The following SORBS2 variants were observed in gnomAD, a reference collection of about 807,000 sequenced individuals.
The protein encoded by SORBS2 is sorbin and SH3 domain-containing protein 2.
Under a neutral mutation model 97.7 loss-of-function variants are expected in SORBS2, and 46 were observed. That is an observed-to-expected ratio of 0.47 (90% CI 0.37 to 0.60). SORBS2 has a LOEUF of 0.60. Ranked by LOEUF, SORBS2 falls within the 20% of genes least tolerant of loss-of-function variation. SORBS2 has a pLI of 0.00. For synonymous variants in SORBS2, 476 were observed against 473.4 expected (o/e 1.01, Z -0.07); for missense variants, 1,316 against 1,282.3 (o/e 1.03, Z -0.40).
intron 9 of SORBS2, among the ~76,000 whole-genome samples, chr4:185,617,462 A>G (rs1182841302): frequency 6.6e-6 from 1 of 152,188 alleles, no homozygotes; most frequent in East Asian, 1.9e-4. Flanking sequence ...CTTCTGCCAG[A>G]GACAGTTTCT....
chr4:185,810,387 T>C (rs1473733233), intron 1 of SORBS2, among the ~76,000 whole-genome samples: 1 of 152,238 alleles, frequency 6.6e-6, no homozygotes, highest in Non-Finnish European at 1.5e-5. Flanking sequence ...CTGAAGAGAC[T>C]CATGTCATCC....
chr4:185,594,388 A>G (rs2096033774), intron 12 of SORBS2, among the ~76,000 whole-genome samples: 2 of 152,222 alleles, frequency 1.3e-5, no homozygotes, highest in Admixed American at 1.3e-4. Flanking sequence ...TCTTTCCTTC[A>G]CAGACAACAT....
intron 2 of SORBS2, among the ~76,000 whole-genome samples, chr4:185,711,278 A>T (rs935013203): frequency 2.6e-5 from 4 of 152,114 alleles, no homozygotes; most frequent in Non-Finnish European, 5.9e-5. Context: ...GGCATGAGCC[A>T]CTATGCCTGG....
chr4:185,779,530 A>G (rs1490295281), intron 1 of SORBS2, among the ~76,000 whole-genome samples: 1 of 152,192 alleles, frequency 6.6e-6, no homozygotes, highest in African/African-American at 2.4e-5. Context: ...GAACACATAT[A>G]TTTAGAGGGT....
intron 4 of SORBS2, among the ~76,000 whole-genome samples, chr4:185,672,648 C>G (rs984924606): frequency 6.6e-6 from 1 of 152,194 alleles, no homozygotes; most frequent in African/African-American, 2.4e-5. Flanking sequence ...TAGTTTTCTT[C>G]TTAAATTAAT....
At chr4:185,861,294 TG>T (rs1404477643) in intron 1 of SORBS2, among the ~76,000 whole-genome samples, 4 of 134,354 alleles carry the variant, frequency 3.0e-5, no homozygotes, top group African/African-American at 1.1e-4. Flanking sequence ...AAGGTTTCTT[TG>T]GAATGTCCTT....
At chr4:185,818,510 A>T (rs1395192715) in intron 1 of SORBS2, among the ~76,000 whole-genome samples, 3 of 152,040 alleles carry the variant, frequency 2.0e-5, no homozygotes, top group African/African-American at 7.2e-5. Flanking sequence ...TAAAAGTCAG[A>T]CTCTGGCATC....
At chr4:185,864,698 G>A (rs575920239) in intron 1 of SORBS2, among the ~76,000 whole-genome samples, 105 of 152,252 alleles carry the variant, frequency 6.9e-4, no homozygotes, top group Non-Finnish European at 1.3e-3. Flanking sequence ...ATTGCTTGAG[G>A]TCAGGAGTTC....
At chr4:185,733,294 G>A (rs188874419) in intron 2 of SORBS2, among the ~76,000 whole-genome samples, 60 of 152,356 alleles carry the variant, frequency 3.9e-4, no homozygotes, top group African/African-American at 1.4e-3. Flanking sequence ...TCTCCATGCT[G>A]AGTTAGATGA....
chr4:185,785,341 A>G (rs1175179786), intron 1 of SORBS2, among the ~76,000 whole-genome samples: 2 of 152,114 alleles, frequency 1.3e-5, no homozygotes, highest in South Asian at 4.1e-4. Context: ...TCAGAGTTAA[A>G]CAAAGTTAAA....
chr4:185,916,885 A>G (rs891097373), intron 1 of SORBS2, among the ~76,000 whole-genome samples: 2 of 152,152 alleles, frequency 1.3e-5, no homozygotes, highest in Admixed American at 6.5e-5. Flanking sequence ...TTCGTATGCT[A>G]ATGAGCTGAC....
rs187009146 is a variant in SORBS2 at position 185,754,863 on chromosome 4, T to A, written c.-198+20364A>T. 7.9e-5 allele frequency among the ~76,000 whole-genome samples: 12 copies of A among 152,326 alleles called. No homozygotes were observed. In the East Asian group the frequency reaches 2.3e-3, roughly 29 times the overall value. Reference sequence around the variant, plus strand: ...AGGTATGGGTTTCATGAGGCAGACCTGGAAGGGCAATACATCACTTCTACG... The same window carrying A: ...AGGTATGGGTTTCATGAGGCAGACCAGGAAGGGCAATACATCACTTCTACG... On this transcript the variant is annotated intron_variant, in intron 2 of 20. Coordinates refer to the SORBS2 transcript ENST00000284776.
chr4:185,597,793 A>C (rs563951118), intron 12 of SORBS2, among the ~76,000 whole-genome samples: 2 of 152,220 alleles, frequency 1.3e-5, no homozygotes, highest in Non-Finnish European at 2.9e-5. Flanking sequence ...AGTGGTGAGC[A>C]ATGGCAGCAA....
intron 2 of SORBS2, among the ~76,000 whole-genome samples, chr4:185,745,245 T>A (rs971183193): frequency 1.3e-5 from 2 of 152,036 alleles, no homozygotes; most frequent in African/African-American, 4.8e-5. Flanking sequence ...GGAAGCAGTG[T>A]CTCTATCCGA....
intron 1 of SORBS2, among the ~76,000 whole-genome samples, chr4:185,828,306 G>A (rs1232317926): frequency 2.0e-5 from 3 of 152,132 alleles, no homozygotes; most frequent in Non-Finnish European, 4.4e-5. Flanking sequence ...CCCACTGCCT[G>A]CAGGCTGCCC....
At chr4:185,918,288 A>C (rs182428328) in intron 1 of SORBS2, 15 of 152,370 alleles carry the variant, frequency 9.8e-5, no homozygotes, top group African/African-American at 3.6e-4. Flanking sequence ...CAGATAATAC[A>C]ACTAACTTTT....
chr4:185,599,213 G>A (rs2096195021), intron 12 of SORBS2, among the ~76,000 whole-genome samples: 1 of 152,172 alleles, frequency 6.6e-6, no homozygotes, highest in African/African-American at 2.4e-5. Context: ...GCAGAAGCAC[G>A]GCCATGCGAT....
intron 1 of SORBS2, among the ~76,000 whole-genome samples, chr4:185,899,017 G>C (rs1228892408): frequency 6.6e-6 from 1 of 152,014 alleles, no homozygotes; most frequent in Non-Finnish European, 1.5e-5. Context: ...TTCAAGCAAG[G>C]AACCTAAAAT....
At chr4:185,828,121 G>A (rs980436245) in intron 1 of SORBS2, among the ~76,000 whole-genome samples, 3 of 152,208 alleles carry the variant, frequency 2.0e-5, no homozygotes, top group East Asian at 1.9e-4. Flanking sequence ...CTTTGGGGAT[G>A]TGTCCTTAGT....
Sources: gnomAD v4.1 joint callset for allele counts (sites outside exome capture counted in the v4.1 genomes callset) on GRCh38, gnomAD v4.1.1 for gene constraint, MANE v1.5 for transcripts, NCBI Gene and HGNC (gene_info 2026-07-23, HGNC 2026-07-21) for gene names.